GAD2: variants seen among roughly 807,000 people sequenced by gnomAD.
GAD2 encodes glutamate decarboxylase 2.
In GAD2, 22 loss-of-function variants were observed where a neutral mutation model predicts 80.1. The observed-to-expected ratio is 0.27, with a 90% CI of 0.20 to 0.39. GAD2 has a LOEUF of 0.39. Among genes scored for constraint, GAD2 ranks in the 10% least tolerant of loss-of-function variants. The pLI, the probability that GAD2 is intolerant of heterozygous loss-of-function variation, is 1.00. For missense variants in GAD2, 624 were observed against 738.4 expected, an observed-to-expected ratio of 0.85 and a Z score of 1.80; for synonymous variants, 274 against 256.9, an observed-to-expected ratio of 1.07 and a Z score of -0.64.
At chr10:26,279,449 A>G (rs1292860169) in intron 11 of GAD2, among the ~76,000 whole-genome samples, 2 of 152,192 alleles carry the variant, frequency 1.3e-5, no homozygotes, top group Non-Finnish European at 2.9e-5. Flanking sequence ...CCTAAGGCGT[A>G]GCTGGGGCTC....
At chr10:26,256,523 G>A (rs1844945141) in intron 8 of GAD2, among the ~76,000 whole-genome samples, 2 of 152,046 alleles carry the variant, frequency 1.3e-5, no homozygotes, top group Admixed American at 1.3e-4. Context: ...TGTCTCTTTG[G>A]TCCCCTTTAA....
intron 6 of GAD2, among the ~76,000 whole-genome samples, chr10:26,228,823 C>G (rs1169937482): frequency 6.6e-6 from 1 of 152,086 alleles, no homozygotes; most frequent in Non-Finnish European, 1.5e-5. Context: ...CCCGACCTTC[C>G]ATATGTGGAA....
chr10:26,218,102 G>A (rs1844404283), intron 3 of GAD2, 111 bp downstream of exon 3: 1 of 1,163,664 alleles, frequency 8.6e-7, no homozygotes, highest in East Asian at 2.6e-5. Flanking sequence ...CGAGGTGGCA[G>A]CGGAGGCGGG....
At chr10:26,239,498 A>C (rs758256894) in intron 7 of GAD2, among the ~76,000 whole-genome samples, 1 of 152,266 alleles carries the variant, frequency 6.6e-6, no homozygotes, top group Non-Finnish European at 1.5e-5. Context: ...GGCAATAAAT[A>C]GTGACATTTC....
At chr10:26,276,919 G>A (rs1021978349) in intron 11 of GAD2, among the ~76,000 whole-genome samples, 2 of 152,226 alleles carry the variant, frequency 1.3e-5, no homozygotes, top group Admixed American at 6.5e-5. Context: ...ACAACGCACT[G>A]CATGGGTGCA....
chr10:26,256,436 G>A (rs560187452), intron 8 of GAD2, among the ~76,000 whole-genome samples: 5 of 152,172 alleles, frequency 3.3e-5, no homozygotes, highest in East Asian at 3.9e-4. Flanking sequence ...TACCTTATTC[G>A]TTTCTTCAGT....
chr10:26,218,994 A>G, intron 3 of GAD2, 49 bp from the exon 4 acceptor site: 1 of 1,392,010 alleles, frequency 7.2e-7, no homozygotes, highest in Admixed American at 2.4e-5. Context: ...CTTGCCTTGA[A>G]TATTTTCAAA....
intron 8 of GAD2, among the ~76,000 whole-genome samples, chr10:26,249,808 A>G (rs780977318): frequency 3.9e-5 from 6 of 152,202 alleles, no homozygotes; most frequent in Non-Finnish European, 7.3e-5. Flanking sequence ...AGAGAAGTTC[A>G]GGCCTAGAAG....
In GAD2 at chr10:26,274,131, C is replaced by A. The variant is rs548708860; in HGVS notation, c.1157+431C>A. Among the ~76,000 whole-genome samples, 9 of 152,250 alleles carry A rather than the reference C, an allele frequency of 5.9e-5. No individual in the cohort carries two copies. The South Asian group carries it at 1.9e-3, about 32-fold the overall frequency. The stretch of plus-strand genomic sequence containing the variant: ...AATAATTTTTCAAAGCAAATAAGCA[C>A]CTTGTAACTTATCAATGTTGAAAGT... On this transcript the variant is annotated intron_variant, in intron 11 of 15. Transcript: ENST00000376261.
chr10:26,264,312 C>CTTTT (rs373732623), intron 8 of GAD2, among the ~76,000 whole-genome samples: 7 of 129,756 alleles, frequency 5.4e-5, no homozygotes, highest in Non-Finnish European at 9.7e-5. Flanking sequence ...AGATTTCAAG[C>CTTTT]TTTTTTTTTT....
chr10:26,219,368 T>C, intron 4 of GAD2, 92 bp downstream of exon 4: 3 of 834,742 alleles, frequency 3.6e-6, no homozygotes, highest in Non-Finnish European at 5.4e-6. Context: ...ATGGAGTTAC[T>C]GATATTTTCA....
intron 8 of GAD2, among the ~76,000 whole-genome samples, chr10:26,260,221 T>G (rs1844993310): frequency 6.6e-6 from 1 of 152,226 alleles, no homozygotes; most frequent in African/African-American, 2.4e-5. Context: ...TAATTTATAT[T>G]ACTTAACAAA....
intron 7 of GAD2, among the ~76,000 whole-genome samples, chr10:26,237,583 G>A (rs1844690507): frequency 6.6e-6 from 1 of 152,132 alleles, no homozygotes; most frequent in African/African-American, 2.4e-5. Flanking sequence ...ATTTCCTTAA[G>A]AGGGATGTGC....
chr10:26,246,320 T>C (rs1844809650), intron 8 of GAD2, among the ~76,000 whole-genome samples: 1 of 152,160 alleles, frequency 6.6e-6, no homozygotes, highest in Non-Finnish European at 1.5e-5. Context: ...AGCACTGATT[T>C]ATGGAGGTGT....
chr10:26,260,663 C>A (rs572760367), intron 8 of GAD2, among the ~76,000 whole-genome samples: 40 of 152,140 alleles, frequency 2.6e-4, no homozygotes, highest in African/African-American at 9.6e-4. Context: ...CGTAGAATTT[C>A]TGAGCCCAGG....
At chr10:26,237,867 G>T (rs1844693907) in intron 7 of GAD2, among the ~76,000 whole-genome samples, 1 of 151,892 alleles carries the variant, frequency 6.6e-6, no homozygotes, top group Admixed American at 6.6e-5. Flanking sequence ...AATTAGCAGG[G>T]TGTAATGGCG....
intron 11 of GAD2, among the ~76,000 whole-genome samples, chr10:26,276,373 T>G (rs1845207545): frequency 6.6e-6 from 1 of 151,972 alleles, no homozygotes; most frequent in Admixed American, 6.6e-5. Flanking sequence ...TATTTTTATT[T>G]ATTTTTATTT....
chr10:26,259,373 G>A (rs773647864), intron 8 of GAD2, among the ~76,000 whole-genome samples: 28 of 152,078 alleles, frequency 1.8e-4, no homozygotes, highest in Admixed American at 9.2e-4. Context: ...TTATTTTTTG[G>A]GTTTTTGGTT....
intron 12 of GAD2, among the ~76,000 whole-genome samples, chr10:26,281,400 A>T (rs1264097707): frequency 6.6e-6 from 1 of 152,086 alleles, no homozygotes; most frequent in African/African-American, 2.4e-5. Flanking sequence ...TCTCCCAAAA[A>T]ATTAAATTTC....
Sources: gnomAD v4.1 joint callset for allele counts (sites outside exome capture counted in the v4.1 genomes callset) on GRCh38, gnomAD v4.1.1 for gene constraint, MANE v1.5 for transcripts, NCBI Gene and HGNC (gene_info 2026-07-23, HGNC 2026-07-21) for gene names.